The following SLC39A12 variants were observed in gnomAD, a reference collection of about 807,000 sequenced individuals.
The protein encoded by SLC39A12 is solute carrier family 39 member 12, also known as zinc transporter ZIP12.
A neutral mutation model predicts 71.1 loss-of-function variants in SLC39A12; 63 were observed. The observed-to-expected ratio is 0.89, with a 90% confidence interval of 0.72 to 1.09. The LOEUF (loss-of-function observed/expected upper bound fraction) is 1.09, where lower values mean the gene tolerates loss of function less well. Among genes scored for constraint, SLC39A12 ranks in the 50% least tolerant of loss-of-function variants. SLC39A12 has a pLI of 0.00. For synonymous variants in SLC39A12, 351 were observed against 301.3 expected (o/e 1.16, Z -1.71); for missense variants, 892 against 812.6 (o/e 1.10, Z -1.19).
chr10:17,999,292 CTCAA>C (rs1180069727), intron 10 of SLC39A12, among the ~76,000 whole-genome samples: 1 of 35,810 alleles, frequency 2.8e-5, no homozygotes, highest in Non-Finnish European at 7.0e-5. Context: ...AGGACTCCAT[CTCAA>C]AAAAAAAAAA....
chr10:17,991,139 TTTC>T lies in SLC39A12; in HGVS notation c.1270-11_1270-9del. 1.3e-6 allele frequency: 2 copies of T among 1,533,750 alleles called. No homozygotes were observed. The highest frequency in any genetic ancestry group is 1.7e-6 in the Non-Finnish European group (2 of 1,152,342). On this transcript the variant is annotated splice_polypyrimidine_tract_variant and intron_variant, in intron 7 of 12. Coordinates refer to ENST00000377369, the MANE Select transcript of SLC39A12 (RefSeq NM_001145195.2). ...TTTCTCTCTGCCTTTTTTTTTTTTTTTTCCCCTGAAGGTTCTTGGTTTACATAA... is the reference window on the plus strand; with the variant it reads ...TTTCTCTCTGCCTTTTTTTTTTTTTTCCCTGAAGGTTCTTGGTTTACATAA...
intron 12 of SLC39A12, among the ~76,000 whole-genome samples, chr10:18,011,280 G>A (rs1277863787): frequency 6.6e-6 from 1 of 152,094 alleles, no homozygotes; most frequent in African/African-American, 2.4e-5. Flanking sequence ...GTAGAGATGG[G>A]GTTTCGCCAT....
intron 4 of SLC39A12, among the ~76,000 whole-genome samples, chr10:17,966,264 A>G (rs541433013): frequency 2.6e-5 from 4 of 152,214 alleles, no homozygotes; most frequent in Non-Finnish European, 4.4e-5. Flanking sequence ...AAATGAAATG[A>G]CTAATTCTTA....
intron 4 of SLC39A12, among the ~76,000 whole-genome samples, chr10:17,973,573 T>C (rs114304748): frequency 0.014 from 2,057 of 152,296 alleles, 39 homozygotes; most frequent in African/African-American, 0.043. Context: ...TCTCGTGGCC[T>C]GTAAGTTTTC....
intron 6 of SLC39A12, among the ~76,000 whole-genome samples, chr10:17,982,122 G>A (rs1347870282): frequency 1.3e-5 from 2 of 152,182 alleles, no homozygotes; most frequent in Non-Finnish European, 2.9e-5. Context: ...GCTGTGGGAT[G>A]AAGGTGACCC....
At chr10:18,040,639 G>C (rs989098411) in intron 12 of SLC39A12, among the ~76,000 whole-genome samples, 2 of 151,912 alleles carry the variant, frequency 1.3e-5, no homozygotes, top group African/African-American at 4.8e-5. Context: ...CATGGTGGTG[G>C]ATGCCTATAG....
intron 2 of SLC39A12, among the ~76,000 whole-genome samples, chr10:17,956,039 T>C (rs1332403954): frequency 6.6e-6 from 1 of 152,132 alleles, no homozygotes; most frequent in Admixed American, 6.5e-5. Context: ...AATGAGCCCC[T>C]CCTCAGGGAG....
intron 4 of SLC39A12, among the ~76,000 whole-genome samples, chr10:17,973,478 C>T (rs749748747): frequency 2.0e-5 from 3 of 152,218 alleles, no homozygotes; most frequent in Middle Eastern, 3.4e-3. Flanking sequence ...ATTTCTCCTT[C>T]ATGTTTGAAG....
At position 17,961,849 on chromosome 10, in the gene SLC39A12, C is replaced by T. The variant is rs1479784474; in HGVS notation, c.530C>T (p.Thr177Ile). 4.3e-6 allele frequency: 7 copies of T among 1,612,464 alleles called. No individual in the cohort carries two copies. The highest frequency in any genetic ancestry group is 5.9e-6 in the Non-Finnish European group (7 of 1,179,386). ...GCTTTCACCAGGCAGTACTTTGACA[C>T]TTCTCAAAGCCAGGTAAGAAGGCAA... ...ILAFTRQYFD[T>I]SQSQCMETKT... Residue 177 changes from threonine to isoleucine, a missense_variant, in exon 3 of 13, where the codon ACT becomes ATT. Coordinates refer to ENST00000377369, the MANE Select transcript of SLC39A12 (RefSeq NM_001145195.2).
At chr10:18,033,430 A>T (rs973259444) in intron 12 of SLC39A12, among the ~76,000 whole-genome samples, 1 of 151,150 alleles carries the variant, frequency 6.6e-6, no homozygotes, top group Admixed American at 6.6e-5. Flanking sequence ...TTTCTAGTTT[A>T]TTTGCGTAGA....
chr10:18,039,970 G>T (rs16916785), intron 12 of SLC39A12, among the ~76,000 whole-genome samples: 1 of 151,970 alleles, frequency 6.6e-6, no homozygotes, highest in Non-Finnish European at 1.5e-5. Context: ...ATATTCATTC[G>T]CCACTTAGGA....
intron 3 of SLC39A12, among the ~76,000 whole-genome samples, chr10:17,965,031 A>AC (rs767121463): frequency 5.9e-5 from 9 of 152,112 alleles, no homozygotes; most frequent in Non-Finnish European, 8.8e-5. Flanking sequence ...ACATGGTGAA[A>AC]CCCCATCTCT....
At chr10:18,040,080 T>C (rs1208369413) in intron 12 of SLC39A12, among the ~76,000 whole-genome samples, 1 of 152,226 alleles carries the variant, frequency 6.6e-6, no homozygotes, top group East Asian at 1.9e-4. Flanking sequence ...ATTTAAAACA[T>C]ATACGTAATA....
intron 10 of SLC39A12, among the ~76,000 whole-genome samples, chr10:17,998,522 G>A (rs1172237519): frequency 6.6e-6 from 1 of 151,992 alleles, no homozygotes; most frequent in African/African-American, 2.4e-5. Context: ...GAGTTTCCAG[G>A]CAATGTCAAT....
chr10:17,961,909 C>A, intron 3 of SLC39A12, 47 bp downstream of exon 3: 9 of 1,537,904 alleles, frequency 5.9e-6, no homozygotes, highest in Non-Finnish European at 7.9e-6. Context: ...AGATACAGTT[C>A]TAGAGCCTTA....
chr10:18,033,069 T>G (rs2130894996), intron 12 of SLC39A12, among the ~76,000 whole-genome samples: 1 of 150,946 alleles, frequency 6.6e-6, no homozygotes, highest in East Asian at 2.0e-4. Flanking sequence ...TTATTGAGGA[T>G]TTTTGCATCA....
intron 12 of SLC39A12, among the ~76,000 whole-genome samples, chr10:18,025,027 G>C (rs1836635888): frequency 6.6e-6 from 1 of 152,002 alleles, no homozygotes; most frequent in Non-Finnish European, 1.5e-5. Context: ...CTCGTTTCTT[G>C]ATCCACTGTT....
intron 12 of SLC39A12, among the ~76,000 whole-genome samples, chr10:18,028,674 C>G (rs1836749687): frequency 6.6e-6 from 1 of 152,120 alleles, no homozygotes; most frequent in African/African-American, 2.4e-5. Context: ...TTCGACTTGA[C>G]TAGGAATGAG....
chr10:18,041,345 A>C (rs1458118584), intron 12 of SLC39A12, among the ~76,000 whole-genome samples: 1 of 151,466 alleles, frequency 6.6e-6, no homozygotes, highest in African/African-American at 2.4e-5. Context: ...AACATACAAA[A>C]ATTAGCCGAG....
Sources: gnomAD v4.1 joint callset for allele counts (sites outside exome capture counted in the v4.1 genomes callset) on GRCh38, gnomAD v4.1.1 for gene constraint, MANE v1.5 for transcripts, NCBI Gene and HGNC (gene_info 2026-07-23, HGNC 2026-07-21) for gene names.